OLFM3: variants seen among roughly 807,000 people sequenced by gnomAD.
OLFM3 encodes olfactomedin 3.
In OLFM3, 20 loss-of-function variants were observed where a neutral mutation model predicts 48.6. That is an observed-to-expected ratio of 0.41 (90% CI 0.29 to 0.60). The LOEUF (loss-of-function observed/expected upper bound fraction) is 0.60. Among genes scored for constraint, OLFM3 ranks in the 20% least tolerant of loss-of-function variants. The probability of loss-of-function intolerance (pLI) is 0.28; values close to 1 mark genes in which losing one functional copy is unlikely to be tolerated. For missense variants in OLFM3, 437 were observed against 544.3 expected (o/e 0.80, Z 1.96); for synonymous variants, 222 against 198.1 (o/e 1.12, Z -1.01).
intron 1 of OLFM3, among the ~76,000 whole-genome samples, chr1:101,858,004 A>G (rs2100958165): frequency 6.6e-6 from 1 of 152,028 alleles, no homozygotes; most frequent in East Asian, 1.9e-4. Flanking sequence ...GTCACAATTT[A>G]CATTTTATTG....
intron 1 of OLFM3, chr1:101,910,120 A>G (rs1368384825): frequency 2.0e-6 from 2 of 985,240 alleles, no homozygotes; most frequent in Non-Finnish European, 2.4e-6. Flanking sequence ...CTTTACAGTT[A>G]AATAATCCTC....
At chr1:101,807,630 CATT>C (rs1653838810) in intron 4 of OLFM3, among the ~76,000 whole-genome samples, 1 of 151,892 alleles carries the variant, frequency 6.6e-6, no homozygotes, top group East Asian at 1.9e-4. Context: ...TGAATGGTAA[CATT>C]ATATTTTGCA....
intron 1 of OLFM3, among the ~76,000 whole-genome samples, chr1:101,931,210 C>A (rs931201555): frequency 3.9e-5 from 6 of 152,144 alleles, no homozygotes; most frequent in Non-Finnish European, 7.4e-5. Flanking sequence ...ATATTTTTAT[C>A]CTATGTCAAG....
intron 1 of OLFM3, among the ~76,000 whole-genome samples, chr1:101,863,702 C>T (rs1365690074): frequency 1.3e-5 from 2 of 151,950 alleles, no homozygotes; most frequent in Non-Finnish European, 2.9e-5. Flanking sequence ...TTATTTTTTT[C>T]ATGAAGAATT....
At chr1:101,878,781 C>T (rs887256644) in intron 1 of OLFM3, among the ~76,000 whole-genome samples, 2 of 151,862 alleles carry the variant, frequency 1.3e-5, no homozygotes, top group African/African-American at 4.8e-5. Flanking sequence ...CAACCACAGT[C>T]CTTGAAAACT....
chr1:101,966,017 A>G (rs1422975540), intron 1 of OLFM3, among the ~76,000 whole-genome samples: 1 of 152,128 alleles, frequency 6.6e-6, no homozygotes, highest in Non-Finnish European at 1.5e-5. Context: ...CAAGGTGTGT[A>G]TGCCTCTCCA....
chr1:101,907,858 G>A (rs1312337602), intron 1 of OLFM3, among the ~76,000 whole-genome samples: 2 of 151,032 alleles, frequency 1.3e-5, no homozygotes, highest in Admixed American at 1.3e-4. Context: ...ACACTTGGAA[G>A]TAATAGTAAA....
intron 1 of OLFM3, among the ~76,000 whole-genome samples, chr1:101,959,841 T>C (rs1357383319): frequency 7.2e-5 from 11 of 152,156 alleles, no homozygotes; most frequent in African/African-American, 2.4e-4. Flanking sequence ...GTGGCATACA[T>C]AATAAAAATG....
At chr1:101,818,943 A>G (rs570380988) in intron 4 of OLFM3, among the ~76,000 whole-genome samples, 9 of 152,274 alleles carry the variant, frequency 5.9e-5, no homozygotes, top group Admixed American at 5.9e-4. Flanking sequence ...TGGTCTCCAG[A>G]AATTCAACTA....
rs777743535 is a variant in OLFM3, at chr1:101,813,446, AAT to A, written c.593-7266_593-7265del. The stretch of plus-strand genomic sequence containing the variant: ...CCATGTTTAGTGTTTATAAAAAATG[AAT>A]ATGTGTGTCTAGTAAAAAAATCAAA... On this transcript the variant is annotated intron_variant, in intron 4 of 5. Coordinates refer to ENST00000370103, the MANE Select transcript of OLFM3 (RefSeq NM_058170.4). Among the ~76,000 whole-genome samples the A allele has an allele frequency of 3.3e-5, 5 of 152,294 alleles. No individual in the cohort carries two copies. In the East Asian group the frequency reaches 5.8e-4, roughly 18 times the overall value.
At chr1:101,917,346 C>T (rs2879349) in intron 1 of OLFM3, among the ~76,000 whole-genome samples, 65,843 of 151,908 alleles carry the variant, frequency 0.43, 14,357 homozygotes, top group East Asian at 0.59. Context: ...TTTAAATAGA[C>T]AAATTGTTGT....
chr1:101,868,119 T>C (rs1228232687), intron 1 of OLFM3, among the ~76,000 whole-genome samples: 1 of 152,076 alleles, frequency 6.6e-6, no homozygotes. Context: ...CAGTCTCGGG[T>C]ATGTCTTATA....
chr1:101,891,875 G>A (rs1658012283), intron 1 of OLFM3, among the ~76,000 whole-genome samples: 1 of 151,848 alleles, frequency 6.6e-6, no homozygotes, highest in Non-Finnish European at 1.5e-5. Flanking sequence ...GAACCATATG[G>A]AATTGCCATT....
intron 1 of OLFM3, among the ~76,000 whole-genome samples, chr1:101,977,000 T>C (rs201565365): frequency 6.6e-6 from 1 of 152,176 alleles, no homozygotes; most frequent in East Asian, 1.9e-4. Context: ...TAAAACCTTT[T>C]CTGAATAATT....
intron 4 of OLFM3, chr1:101,812,418 C>T (rs1181877904): frequency 3.0e-6 from 3 of 985,190 alleles, no homozygotes; most frequent in Non-Finnish European, 3.6e-6. Flanking sequence ...ACCTTATTGC[C>T]AGACTGAAGC....
intron 1 of OLFM3, among the ~76,000 whole-genome samples, chr1:101,969,729 T>C (rs1372116676): frequency 1.3e-5 from 2 of 152,136 alleles, no homozygotes; most frequent in African/African-American, 4.8e-5. Context: ...TTTCCCTCTT[T>C]GGGCTTTTTT....
rs185945310 is a variant in OLFM3, at chr1:101,900,040, C to T, written c.70-63015G>A. Among the ~76,000 whole-genome samples the T allele has an allele frequency of 6.4e-4, 97 of 152,302 alleles. 2 individuals carry two copies. In the South Asian group the frequency reaches 0.015, roughly 23 times the overall value. On this transcript the variant is annotated intron_variant, in intron 1 of 5. Coordinates refer to ENST00000370103, the MANE Select transcript of OLFM3 (RefSeq NM_058170.4). ...GTCACAAGAAATTACAAGATCTTCACTTGAAATATTATAGGATATTCCCTT... is the reference window on the plus strand; with the variant it reads ...GTCACAAGAAATTACAAGATCTTCATTTGAAATATTATAGGATATTCCCTT...
chr1:101,899,714 T>G (rs1658328725), intron 1 of OLFM3, among the ~76,000 whole-genome samples: 2 of 152,168 alleles, frequency 1.3e-5, no homozygotes, highest in South Asian at 4.1e-4. Flanking sequence ...TATGTAAGAA[T>G]AATTTGAATT....
chr1:101,956,805 A>C (rs961127283), intron 1 of OLFM3, among the ~76,000 whole-genome samples: 3 of 151,938 alleles, frequency 2.0e-5, no homozygotes, highest in Admixed American at 2.0e-4. Flanking sequence ...CATAATCTAT[A>C]GGGAATGAAA....
Sources: gnomAD v4.1 joint callset for allele counts (sites outside exome capture counted in the v4.1 genomes callset) on GRCh38, gnomAD v4.1.1 for gene constraint, MANE v1.5 for transcripts, NCBI Gene and HGNC (gene_info 2026-07-23, HGNC 2026-07-21) for gene names.